Variants in XYLT1 observed in about 807,000 individuals in gnomAD.
XYLT1 encodes xylosyltransferase 1.
Under a neutral mutation model 91.3 loss-of-function variants are expected in XYLT1, and 36 were observed. The observed-to-expected ratio is 0.39, with a 90% CI of 0.30 to 0.52. The LOEUF is 0.52. Ranked by LOEUF, XYLT1 falls within the 20% of genes least tolerant of loss-of-function variation. The probability of loss-of-function intolerance (pLI) is 0.68; values close to 1 mark genes in which losing one functional copy is unlikely to be tolerated. For missense variants in XYLT1, 1,242 were observed against 1,284.5 expected, an observed-to-expected ratio of 0.97 and a Z score of 0.51; for synonymous variants, 588 against 532.0, an observed-to-expected ratio of 1.11 and a Z score of -1.45.
chr16:17,331,771 T>C (rs565121258), intron 2 of XYLT1, among the ~76,000 whole-genome samples: 2 of 152,306 alleles, frequency 1.3e-5, no homozygotes, highest in East Asian at 3.9e-4. Context: ...CACTGTCCAC[T>C]TTTCCCCACC....
At chr16:17,428,299 C>G (rs2036343460) in intron 1 of XYLT1, among the ~76,000 whole-genome samples, 1 of 152,148 alleles carries the variant, frequency 6.6e-6, no homozygotes, top group Non-Finnish European at 1.5e-5. Flanking sequence ...TAGCTTTTGA[C>G]CAGGACAGTG....
rs116635420 is a variant in XYLT1, at chr16:17,237,214, C to T, written c.913+21774G>A. Among the ~76,000 whole-genome samples, 331 of 152,304 alleles carry T rather than the reference C, an allele frequency of 2.2e-3. 1 individual carries two copies. The highest frequency in any genetic ancestry group is 7.7e-3 in the African/African-American group (322 of 41,556). On this transcript the variant is annotated intron_variant, in intron 3 of 11. Coordinates refer to ENST00000261381, the MANE Select transcript of XYLT1 (RefSeq NM_022166.4). ...GAAATACTGGTATTCAACTTACAAT[C>T]CCAATTATTACATTATTATTATTTG...
intron 2 of XYLT1, among the ~76,000 whole-genome samples, chr16:17,268,801 T>C (rs1469375590): frequency 6.6e-6 from 1 of 152,014 alleles, no homozygotes; most frequent in Admixed American, 6.6e-5. Context: ...GCTTCCCAAG[T>C]AGCACGGATT....
rs1016889068 is a variant in XYLT1, at chr16:17,144,427, G to C, written c.1371-3058C>G. On this transcript the variant is annotated intron_variant, in intron 6 of 11. Transcript: ENST00000261381. Reference sequence around the variant, plus strand: ...TATAACCATAGGTTAAATGAGTTTCGAGGAACTTCTGGAAAAATGGGGACT... The same window carrying C: ...TATAACCATAGGTTAAATGAGTTTCCAGGAACTTCTGGAAAAATGGGGACT... Among the ~76,000 whole-genome samples, 4 of 152,166 alleles carry C rather than the reference G, an allele frequency of 2.6e-5. No homozygotes were observed. In the South Asian group the frequency reaches 8.3e-4, roughly 32 times the overall value.
At chr16:17,449,137 A>G (rs956247785) in intron 1 of XYLT1, among the ~76,000 whole-genome samples, 1 of 152,222 alleles carries the variant, frequency 6.6e-6, no homozygotes, top group South Asian at 2.1e-4. Context: ...CTCTGAACCC[A>G]CAGAGCATGC....
intron 8 of XYLT1, among the ~76,000 whole-genome samples, chr16:17,136,731 A>T (rs1360665312): frequency 2.0e-5 from 3 of 150,952 alleles, no homozygotes; most frequent in Non-Finnish European, 4.4e-5. Context: ...TCGCGCAAGA[A>T]CTCTGAGTTC....
rs145923268 is a variant in XYLT1, at chr16:17,188,617, C to T, written c.1289+9595G>A. Among the ~76,000 whole-genome samples the T allele has an allele frequency of 6.2e-3, 941 of 152,328 alleles. 2 individuals carry two copies. The highest frequency in any genetic ancestry group is 9.4e-3 in the Non-Finnish European group (641 of 68,034). On this transcript the variant is annotated intron_variant, in intron 5 of 11. Transcript: ENST00000261381. ...CCATGTGAGATTCCTTTGCAAAGTG[C>T]TCATAGATCCTTCATTCCTTTTTTT... is the stretch of plus-strand genomic sequence containing the variant.
At chr16:17,426,840 G>A (rs891331156) in intron 1 of XYLT1, among the ~76,000 whole-genome samples, 1 of 152,142 alleles carries the variant, frequency 6.6e-6, no homozygotes, top group Non-Finnish European at 1.5e-5. Context: ...AAAACTTTAA[G>A]TAGGGTGAAA....
intron 2 of XYLT1, among the ~76,000 whole-genome samples, chr16:17,327,606 GCCCCCCCCCCCCCCC>G (rs59482549): frequency 1.4e-3 from 3 of 2,108 alleles, no homozygotes; most frequent in South Asian, 0.033. Context: ...TCGTGATCCC[GCCCCCCCCCCCCCCC>G]CCCCCCCGCC....
chr16:17,442,445 G>A (rs1223290273), intron 1 of XYLT1, among the ~76,000 whole-genome samples: 1 of 151,860 alleles, frequency 6.6e-6, no homozygotes, highest in East Asian at 2.0e-4. Flanking sequence ...ACTGGGTTAT[G>A]GGGTGCCCAG....
intron 11 of XYLT1, among the ~76,000 whole-genome samples, chr16:17,113,005 A>C (rs188506977): frequency 1.9e-4 from 28 of 151,328 alleles, no homozygotes; most frequent in African/African-American, 6.1e-4. Context: ...ACACCCGGCT[A>C]ATTTTGTATT....
intron 1 of XYLT1, among the ~76,000 whole-genome samples, chr16:17,373,965 G>T (rs2035566647): frequency 6.6e-6 from 1 of 152,188 alleles, no homozygotes; most frequent in South Asian, 2.1e-4. Context: ...TTGCAAAATT[G>T]GTGATTTAGT....
chr16:17,134,495 T>C lies in XYLT1; in HGVS notation c.2005A>G (p.Thr669Ala), dbSNP rs781465172. The C allele has an allele frequency of 6.2e-7, 1 of 1,613,994 alleles. No individual in the cohort carries two copies. Reference sequence around the variant, plus strand: ...CACCGGCAGCTGTTCTCCCCATCCGTGTGCAGGGACGTCTCGGCCCGTCGA... The same window carrying C: ...CACCGGCAGCTGTTCTCCCCATCCGCGTGCAGGGACGTCTCGGCCCGTCGA... ...GLRRAETSLH[T>A]DGENSCRYYP... The change falls in exon 9 of 12, where the codon ACG becomes GCG. Residue 669 changes from threonine (T) to alanine (A), a missense_variant. Thr to Ala is a moderately conservative substitution (Grantham distance 58). Transcript: ENST00000261381.
chr16:17,326,146 C>T lies in XYLT1; in HGVS notation c.402+31866G>A, dbSNP rs149508278. ...CCGTCACCTCTAAAAGTCTCGTGTC[C>T]CCCTTTTTTGGTGGCAAGAACATTA... is the stretch of plus-strand genomic sequence containing the variant. On this transcript the variant is annotated intron_variant, in intron 2 of 11. Transcript: ENST00000261381. Among the ~76,000 whole-genome samples, 515 of 151,478 alleles carry T rather than the reference C, an allele frequency of 3.4e-3. 4 individuals are homozygous for T. The highest frequency in any genetic ancestry group is 2.5e-3 in the Non-Finnish European group (172 of 67,966).
Position 17,430,367 on chromosome 16 carries a change from C to T in XYLT1, c.363+40067G>A, listed in dbSNP as rs144701520. Among the ~76,000 whole-genome samples, 123 of 152,280 alleles carry T rather than the reference C, an allele frequency of 8.1e-4. 1 individual carries two copies. The highest frequency in any genetic ancestry group is 1.5e-3 in the Non-Finnish European group (104 of 68,020). On this transcript the variant is annotated intron_variant, in intron 1 of 11. Coordinates refer to ENST00000261381, the MANE Select transcript of XYLT1 (RefSeq NM_022166.4). ...GGGTGCTCAACCAGTAAGTATAACA[C>T]AAAATATCCCAAATCTGAAAAGATC... is the stretch of plus-strand genomic sequence containing the variant.
At chr16:17,363,453 T>C (rs1303263535) in intron 1 of XYLT1, among the ~76,000 whole-genome samples, 1 of 152,230 alleles carries the variant, frequency 6.6e-6, no homozygotes, top group Non-Finnish European at 1.5e-5. Context: ...ATTCTCCTCC[T>C]AGCCTGTAGA....
chr16:17,327,265 T>C (rs939879970), intron 2 of XYLT1, among the ~76,000 whole-genome samples: 2 of 152,158 alleles, frequency 1.3e-5, no homozygotes, highest in East Asian at 3.9e-4. Context: ...ATTTAAGAAT[T>C]ATTCACAAAG....
intron 2 of XYLT1, among the ~76,000 whole-genome samples, chr16:17,274,949 T>C (rs75827224): frequency 0.025 from 3,815 of 152,052 alleles, 144 homozygotes; most frequent in African/African-American, 0.086. Flanking sequence ...GGCTGAGGCG[T>C]GGGAATTACT....
intron 3 of XYLT1, among the ~76,000 whole-genome samples, chr16:17,225,173 A>ACTCTCTCT (rs761445257): frequency 2.0e-5 from 2 of 100,764 alleles, no homozygotes. Context: ...ACACACACAC[A>ACTCTCTCT]CACACTCTCT....
Sources: allele counts gnomAD v4.1 joint callset (sites outside exome capture counted in the v4.1 genomes callset), GRCh38; gene constraint gnomAD v4.1.1; transcripts MANE v1.5; gene names NCBI Gene and HGNC (gene_info 2026-07-23, HGNC 2026-07-21).